Variants in SYNM observed in about 807,000 individuals in gnomAD.
The protein encoded by SYNM is synemin, also known as desmuslin.
SYNM carries 95 observed loss-of-function variants against 104.0 expected under a neutral mutation model. The ratio of observed to expected loss-of-function variants is 0.91; its 90% CI spans 0.77 to 1.08. The LOEUF is 1.08. SYNM is among the 50% of genes least tolerant of loss of function. The probability of loss-of-function intolerance (pLI) is 0.00; values close to 1 mark genes in which losing one functional copy is unlikely to be tolerated. For missense variants in SYNM, 2,150 were observed against 2,052.2 expected (o/e 1.05, Z -0.92); for synonymous variants, 918 against 869.0 (o/e 1.06, Z -0.99).
chr15:99,139,490 T>C (rs782438509), downstream of SYNM: 3 of 1,579,682 alleles, frequency 1.9e-6, no homozygotes, highest in East Asian at 4.6e-5. Context: ...AAAGATGACC[T>C]CATTCTTAGG....
chr15:99,115,919 T>A (rs2067344760), intron 2 of SYNM, among the ~76,000 whole-genome samples: 2 of 152,240 alleles, frequency 1.3e-5, no homozygotes. Flanking sequence ...CAGCCAGGGT[T>A]CATCTGAGCC....
At chr15:99,127,505 G>C (rs1366133366) in intron 3 of SYNM, among the ~76,000 whole-genome samples, 2 of 152,144 alleles carry the variant, frequency 1.3e-5, no homozygotes, top group African/African-American at 2.4e-5. Flanking sequence ...ATAGAATGTT[G>C]AGTTCACACC....
intron 1 of SYNM, among the ~76,000 whole-genome samples, chr15:99,106,367 C>G (rs537386238): frequency 1.3e-5 from 2 of 152,358 alleles, no homozygotes; most frequent in East Asian, 1.9e-4. Flanking sequence ...AGACCCAGAT[C>G]TAAGAGTCAA....
chr15:99,117,510 G>A (rs1314236988), intron 2 of SYNM, among the ~76,000 whole-genome samples: 1 of 152,266 alleles, frequency 6.6e-6, no homozygotes, highest in African/African-American at 2.4e-5. Context: ...TGACTTCTGT[G>A]TGTTAGGTAA....
In SYNM at chr15:99,132,376, C is replaced by CAG. The variant is rs782180586; in HGVS notation, c.4021_4022dup (p.Ser1341ArgfsTer27). 4 of 1,613,858 alleles carry CAG rather than the reference C, an allele frequency of 2.5e-6. No homozygotes were observed. The highest frequency in any genetic ancestry group is 3.4e-6 in the Non-Finnish European group (4 of 1,179,884). On this transcript the variant is annotated frameshift_variant, in exon 4 of 4. Transcript: ENST00000336292. LOFTEE classifies it high-confidence loss of function. ...CCCCAACTGGGGGAATCTGGTGACT[C>CAG]AGAGAGCACTGTGCACGGAGAGGGC...
chr15:99,136,760 C>T (rs935686145), downstream of SYNM: 2 of 152,254 alleles, frequency 1.3e-5, no homozygotes, highest in African/African-American at 4.8e-5. Context: ...GTAGTGACAT[C>T]TTACACGTTT....
rs1280638994 is a variant in SYNM, at chr15:99,129,791, C to T, written c.1431C>T (p.Asp477=). The T allele has an allele frequency of 1.5e-5, 24 of 1,613,306 alleles. No homozygotes were observed. The highest frequency in any genetic ancestry group is 1.9e-5 in the Non-Finnish European group (22 of 1,179,690). Residue 477 remains aspartate (D), a synonymous_variant, in exon 4 of 4, where the codon GAC becomes GAT. Coordinates refer to ENST00000336292, the MANE Select transcript of SYNM (RefSeq NM_145728.3). ...GCGAGTCGTACCGGGATCGCCGAGA[C>T]AAGGTGGCAGCAGGTGCTTCGGAAA... The part of the protein sequence containing the change: ...IARESYRDRR[D]KVAAGASEST...
In SYNM at chr15:99,130,350, C is replaced by A. The variant is rs782098704; in HGVS notation, c.1990C>A (p.Pro664Thr). The A allele has an allele frequency of 8.7e-6, 14 of 1,613,706 alleles. No individual in the cohort carries two copies. The East Asian group carries it at 2.7e-4, about 31-fold the overall frequency. Residue 664 changes from proline (P) to threonine (T), a missense_variant, in exon 4 of 4, where the codon CCA (proline) becomes ACA (threonine). Transcript: ENST00000336292. ...PETEASADSFPDTKVTYVDRK... is the reference protein window; with the variant it reads ...PETEASADSFTDTKVTYVDRK... ...GACAGAAGCATCTGCTGATTCTTTT[C>A]CAGACACAAAAGTCACTTACGTGGA...
chr15:99,139,334 G>A (rs782068361), downstream of SYNM: 7 of 1,613,510 alleles, frequency 4.3e-6, no homozygotes, highest in South Asian at 7.7e-5. Context: ...GCATGCCCAT[G>A]GCCTGCTGGG....
In SYNM at chr15:99,115,264, G is replaced by A. The variant is rs533691779; in HGVS notation, c.935+1549G>A. On this transcript the variant is annotated intron_variant, in intron 2 of 3. Coordinates refer to ENST00000336292, the MANE Select transcript of SYNM (RefSeq NM_145728.3). ...AAGAGTCAAAGTCTGGTCATCTCCA[G>A]TGGTGTCTCCTTCACAGGTGGCAGA... Among the ~76,000 whole-genome samples, 8 of 152,278 alleles carry A rather than the reference G, an allele frequency of 5.3e-5. No individual in the cohort carries two copies. The East Asian group carries it at 1.5e-3, about 29-fold the overall frequency.
rs782004742 is a variant in SYNM, at chr15:99,130,340, T to C, written c.1980T>C (p.Ala660=). The part of the protein sequence containing the change: ...FTQSPETEAS[A]DSFPDTKVTY... ...AGTCTCCAGAGACAGAAGCATCTGC[T>C]GATTCTTTTCCAGACACAAAAGTCA... The change falls in exon 4 of 4, where the codon GCT becomes GCC. Residue 660 remains alanine, a synonymous_variant. Transcript: ENST00000336292. 11 of 1,613,680 alleles carry C rather than the reference T, an allele frequency of 6.8e-6. No individual in the cohort carries two copies. The highest frequency in any genetic ancestry group is 9.3e-6 in the Non-Finnish European group (11 of 1,179,806).
rs1050567953 is a variant in SYNM at position 99,131,635 on chromosome 15, A to G, written c.3275A>G (p.Gln1092Arg). ...GGTGGGGCCTCTCACAGCTCGGGAC[A>G]GCGCACTCCCCAGGGCCCAGTGTCG... Reference protein sequence around the residue: ...VAGGASHSSGQRTPQGPVSAT... With the variant: ...VAGGASHSSGRRTPQGPVSAT... Residue 1092 changes from glutamine (Q) to arginine (R), a missense_variant, in exon 4 of 4, where the codon CAG (glutamine) becomes CGG (arginine). Physicochemically the swap from Gln to Arg is conservative, Grantham distance 43. Transcript: ENST00000336292. The surrounding 1 kb of genome is among the most constrained non-coding windows in gnomAD (Gnocchi z 4.3). 2.5e-6 allele frequency: 4 copies of G among 1,611,030 alleles called. No individual in the cohort carries two copies. The highest frequency in any genetic ancestry group is 2.7e-5 in the African/African-American group (2 of 74,930).
At chr15:99,123,096 G>A (rs1567279917) in intron 2 of SYNM, among the ~76,000 whole-genome samples, 2 of 152,106 alleles carry the variant, frequency 1.3e-5, no homozygotes, top group Non-Finnish European at 2.9e-5. Context: ...TCTGCTTCTT[G>A]ATTAATTCCT....
the SYNM span, among the ~76,000 whole-genome samples, chr15:99,141,733 T>C: frequency 6.6e-6 from 1 of 152,192 alleles, no homozygotes; most frequent in African/African-American, 2.4e-5. Context: ...CTTTATAAGC[T>C]GTGGAAACTA....
At chr15:99,109,564 G>A (rs555678604) in intron 1 of SYNM, among the ~76,000 whole-genome samples, 2 of 152,232 alleles carry the variant, frequency 1.3e-5, no homozygotes, top group Non-Finnish European at 2.9e-5. Context: ...TGACTCTGCC[G>A]CTCTTTGGGC....
chr15:99,116,460 T>C (rs1355142290), intron 2 of SYNM, among the ~76,000 whole-genome samples: 1 of 105,062 alleles, frequency 9.5e-6, no homozygotes, highest in Non-Finnish European at 2.2e-5. Flanking sequence ...TGGTCTACTC[T>C]GTGTTATGAA....
Position 99,134,572 on chromosome 15 carries a change from A to G in SYNM, c.*1514A>G, listed in dbSNP as rs1260956270. ...ACTGACTGTGGCGCACTGGGGAATA[A>G]CAGTCTGAGCTAGCACCACCCTCAG... On this transcript the variant is annotated 3_prime_UTR_variant, in exon 4 of 4. Transcript: ENST00000336292. 1 of 152,196 alleles carries G rather than the reference A, an allele frequency of 6.6e-6. No individual in the cohort carries two copies. Among genetic ancestry groups the G allele is most frequent in the African/African-American group, 2.4e-5 (1 of 41,446 alleles). The allele number at this position is 152,196 out of a possible 1,614,324, so 9.4% of individuals were successfully genotyped here. A position where few individuals can be genotyped will look rare whatever the true frequency, so the allele number is the denominator to read the frequency against.
Position 99,131,022 on chromosome 15 carries a change from GT to G in SYNM, c.2663del (p.Val888GlyfsTer50). On this transcript the variant is annotated frameshift_variant, in exon 4 of 4. Coordinates refer to ENST00000336292, the MANE Select transcript of SYNM (RefSeq NM_145728.3). LOFTEE classifies it high-confidence loss of function. This position sits in a 1 kb window ranked among gnomAD's most constrained non-coding sequence, Gnocchi z 4.3. ...QKDGAVGEKV[V>X]KPLDVPAPSL... is the part of the protein sequence containing the mutation. ...GGACGGTGCAGTGGGCGAGAAGGTT[GT>G]GAAGCCCTTGGATGTCCCAGCGCCC... The G allele has an allele frequency of 6.2e-7, 1 of 1,612,530 alleles. No individual in the cohort carries two copies. Among genetic ancestry groups the G allele is most frequent in the Middle Eastern group, 1.6e-4 (1 of 6,062 alleles).
intron 2 of SYNM, among the ~76,000 whole-genome samples, chr15:99,126,321 T>C (rs1335706426): frequency 3.9e-5 from 6 of 152,228 alleles, no homozygotes; most frequent in Admixed American, 6.5e-5. Flanking sequence ...GTGTAGCTGC[T>C]CTGGGGCCCT....
Sources: allele counts gnomAD v4.1 joint callset (sites outside exome capture counted in the v4.1 genomes callset), GRCh38; gene constraint gnomAD v4.1.1; non-coding constraint Gnocchi (gnomAD v3.1); transcripts MANE v1.5; gene names NCBI Gene and HGNC (gene_info 2026-07-23, HGNC 2026-07-21).